MALRD1: variants seen among roughly 807,000 people sequenced by gnomAD.
The protein encoded by MALRD1 is MAM and LDL-receptor class A domain-containing protein 1.
A neutral mutation model predicts 242.1 loss-of-function variants in MALRD1; 247 were observed. The ratio of observed to expected loss-of-function variants is 1.02; its 90% confidence interval spans 0.92 to 1.13. MALRD1 has a LOEUF of 1.13. Among genes scored for constraint, MALRD1 ranks in the 50% most tolerant of loss-of-function variants. MALRD1 has a pLI of 0.00. For missense variants in MALRD1, 2,989 were observed against 2,533.1 expected (o/e 1.18, Z -3.86); for synonymous variants, 995 against 866.6 (o/e 1.15, Z -2.60).
chr10:19,518,255 T>G (rs1833725817), intron 31 of MALRD1, among the ~76,000 whole-genome samples: 2 of 152,216 alleles, frequency 1.3e-5, no homozygotes, highest in African/African-American at 4.8e-5. Flanking sequence ...AGAGACAACC[T>G]CAGACTAATG....
intron 21 of MALRD1, among the ~76,000 whole-genome samples, chr10:19,289,900 G>A (rs554191115): frequency 4.6e-5 from 7 of 152,068 alleles, no homozygotes; most frequent in East Asian, 1.9e-4. Flanking sequence ...CTCTGATCCC[G>A]GCTGTCTTGG....
chr10:19,333,602 G>T (rs1039043280), intron 24 of MALRD1, among the ~76,000 whole-genome samples: 2 of 152,110 alleles, frequency 1.3e-5, no homozygotes, highest in Admixed American at 6.6e-5. Context: ...GTGCTCCGAT[G>T]AACATAGGAA....
intron 5 of MALRD1, among the ~76,000 whole-genome samples, chr10:19,106,543 T>C (rs1362369066): frequency 2.0e-5 from 3 of 151,908 alleles, no homozygotes; most frequent in South Asian, 4.1e-4. Flanking sequence ...TTAATCCAGC[T>C]ATTGTTTGTC....
intron 38 of MALRD1, among the ~76,000 whole-genome samples, chr10:19,714,273 A>C (rs952788117): frequency 7.9e-5 from 12 of 152,004 alleles, no homozygotes; most frequent in Non-Finnish European, 1.6e-4. Flanking sequence ...CCAGAAGGGA[A>C]TGGATTGGGA....
At chr10:19,187,730 T>C (rs1018071630) in intron 14 of MALRD1, among the ~76,000 whole-genome samples, 4 of 152,076 alleles carry the variant, frequency 2.6e-5, no homozygotes, top group African/African-American at 9.7e-5. Flanking sequence ...AAATACCACA[T>C]GTTCTCACTC....
intron 31 of MALRD1, among the ~76,000 whole-genome samples, chr10:19,500,500 T>TA (rs1453667804): frequency 1.3e-5 from 2 of 152,210 alleles, no homozygotes; most frequent in Non-Finnish European, 2.9e-5. Context: ...ACAATCTAGA[T>TA]AAAGACTTAA....
intron 14 of MALRD1, among the ~76,000 whole-genome samples, chr10:19,187,148 A>C (rs1432588471): frequency 6.6e-6 from 1 of 152,244 alleles, no homozygotes; most frequent in East Asian, 1.9e-4. Context: ...TGTTTGAAGT[A>C]AATTTGCATG....
intron 19 of MALRD1, among the ~76,000 whole-genome samples, chr10:19,276,946 G>A (rs528232835): frequency 8.2e-4 from 125 of 151,966 alleles, no homozygotes; most frequent in African/African-American, 2.9e-3. Flanking sequence ...GGAAGGTGGG[G>A]TCTTACTCTG....
Position 19,273,705 on chromosome 10 carries a change from G to T in MALRD1, c.3080-6342G>T, listed in dbSNP as rs12570030. On this transcript the variant is annotated intron_variant, in intron 19 of 39. Transcript: ENST00000454679. ...AACTATGGAGATAGTAAAAACATTA[G>T]TGTTTGCCATTGTTTAGGGGAGAGG... Among the ~76,000 whole-genome samples the T allele has an allele frequency of 7.2e-5, 11 of 152,306 alleles. No homozygotes were observed. In the East Asian group the frequency reaches 2.1e-3, roughly 29 times the overall value.
chr10:19,096,407 A>C (rs1473000318), intron 4 of MALRD1, among the ~76,000 whole-genome samples: 1 of 152,204 alleles, frequency 6.6e-6, no homozygotes, highest in Admixed American at 6.5e-5. Context: ...TATATCCCAA[A>C]ATACGTTATT....
intron 29 of MALRD1, among the ~76,000 whole-genome samples, chr10:19,454,942 A>C (rs1835567733): frequency 6.6e-6 from 1 of 152,164 alleles, no homozygotes; most frequent in South Asian, 2.1e-4. Flanking sequence ...TTGCATTCTG[A>C]ATACATTATG....
At chr10:19,308,139 T>G in intron 21 of MALRD1, among the ~76,000 whole-genome samples, 1 of 151,566 alleles carries the variant, frequency 6.6e-6, no homozygotes, top group East Asian at 1.9e-4. Context: ...TCTTTCTATT[T>G]TTTTTATACT....
intron 34 of MALRD1, among the ~76,000 whole-genome samples, chr10:19,602,709 A>C (rs12263013): frequency 0.6 from 90,819 of 151,732 alleles, 28,079 homozygotes; most frequent in African/African-American, 0.77. Context: ...GGGTATATAC[A>C]CAGTAATGGG....
intron 13 of MALRD1, among the ~76,000 whole-genome samples, chr10:19,169,191 C>A (rs1458720604): frequency 6.6e-6 from 1 of 151,940 alleles, no homozygotes; most frequent in South Asian, 2.1e-4. Flanking sequence ...CAGAGGGTGT[C>A]GTGTAATAAA....
intron 28 of MALRD1, among the ~76,000 whole-genome samples, chr10:19,434,332 A>G (rs796794044): frequency 4.6e-5 from 7 of 152,288 alleles, no homozygotes; most frequent in African/African-American, 1.7e-4. Context: ...AATTTTCTGT[A>G]AATGCAAGAG....
intron 18 of MALRD1, among the ~76,000 whole-genome samples, chr10:19,222,692 T>G (rs1837613621): frequency 6.6e-6 from 1 of 152,220 alleles, no homozygotes; most frequent in African/African-American, 2.4e-5. Context: ...GAAATGTCTC[T>G]TCTGATCCAG....
intron 38 of MALRD1, among the ~76,000 whole-genome samples, chr10:19,693,746 A>C (rs1477234356): frequency 3.9e-5 from 6 of 152,200 alleles, no homozygotes; most frequent in Non-Finnish European, 1.5e-5. Context: ...ATATGGAACC[A>C]AAAAAGAGCC....
At chr10:19,284,585 C>G (rs1841015688) in intron 21 of MALRD1, among the ~76,000 whole-genome samples, 1 of 151,426 alleles carries the variant, frequency 6.6e-6, no homozygotes, top group Admixed American at 6.6e-5. Flanking sequence ...ATGAACTCAT[C>G]ATTTTTGATG....
chr10:19,203,715 TTTTGTTC>T lies in MALRD1; in HGVS notation c.1952-10_1952-4del, dbSNP rs1201116021. The T allele has an allele frequency of 7.3e-6, 11 of 1,517,140 alleles. No homozygotes were observed. The African/African-American group carries it at 1.4e-4, about 19-fold the overall frequency. 94.0% of individuals were successfully genotyped at this position (1,517,140 alleles called of 1,614,324 possible). A position where few individuals can be genotyped will look rare whatever the true frequency, so the allele number is the denominator to read the frequency against. On this transcript the variant is annotated splice_polypyrimidine_tract_variant and splice_region_variant and intron_variant, in intron 14 of 39. Transcript: ENST00000454679. Reference sequence around the variant, plus strand: ...TGGAGAGCCAACATAAGAGCCACATTTTTGTTCTTCAGTTTCCAAGTGTGACTTTGAA... The same window carrying T: ...TGGAGAGCCAACATAAGAGCCACATTTTCAGTTTCCAAGTGTGACTTTGAA...
Sources: allele counts gnomAD v4.1 joint callset (sites outside exome capture counted in the v4.1 genomes callset), GRCh38; gene constraint gnomAD v4.1.1; transcripts MANE v1.5; gene names NCBI Gene and HGNC (gene_info 2026-07-23, HGNC 2026-07-21).